Variants in TIAM2 observed in about 807,000 individuals in gnomAD.
TIAM2 encodes the protein rho guanine nucleotide exchange factor TIAM2.
In TIAM2, 80 loss-of-function variants were observed where a neutral mutation model predicts 152.9. The ratio of observed to expected loss-of-function variants is 0.52; its 90% CI spans 0.44 to 0.63. The LOEUF is 0.63. Ranked by LOEUF, TIAM2 falls within the 30% of genes least tolerant of loss-of-function variation. The pLI is 0.00. For missense variants in TIAM2, 1,965 were observed against 2,120.1 expected (o/e 0.93, Z 1.44); for synonymous variants, 804 against 838.0 (o/e 0.96, Z 0.70).
intron 15 of TIAM2, among the ~76,000 whole-genome samples, chr6:155,232,230 G>A (rs1782506666): frequency 1.3e-5 from 2 of 151,996 alleles, no homozygotes; most frequent in African/African-American, 4.8e-5. Flanking sequence ...ACGAAGTTCA[G>A]AGTGAGTTGA....
At position 155,214,939 on chromosome 6, in the gene TIAM2, C is replaced by G. The variant is rs1781816139; in HGVS notation, c.3168+3632C>G. ...TACAGGTGTGAGTCACTGTGCCTGG[C>G]CTGACTTAAAATTTTTTAGAAAATC... is the stretch of plus-strand genomic sequence containing the variant. On this transcript the variant is annotated intron_variant, in intron 15 of 26. Coordinates refer to ENST00000682666, the MANE Select transcript of TIAM2 (RefSeq NM_012454.4). The surrounding 1 kb of genome is among the most constrained non-coding windows in gnomAD (Gnocchi z 5.4). Among the ~76,000 whole-genome samples the G allele has an allele frequency of 6.6e-6, 1 of 152,106 alleles. No homozygotes were observed. Among genetic ancestry groups the G allele is most frequent in the South Asian group, 2.1e-4 (1 of 4,826 alleles).
rs143927648 is a variant in TIAM2 at position 155,108,861 on chromosome 6, G to A, written c.-118+18482G>A. Reference sequence around the variant, plus strand: ...AGTATTGAATAAAAAACCACAAAGCGTAAATATCTGATGGGGCACTTTACT... The same window carrying A: ...AGTATTGAATAAAAAACCACAAAGCATAAATATCTGATGGGGCACTTTACT... On this transcript the variant is annotated intron_variant, in intron 2 of 26. Coordinates refer to ENST00000682666, the MANE Select transcript of TIAM2 (RefSeq NM_012454.4). Among the ~76,000 whole-genome samples, 445 of 152,200 alleles carry A rather than the reference G, an allele frequency of 2.9e-3. 2 individuals are homozygous for A. The highest frequency in any genetic ancestry group is 0.01 in the African/African-American group (426 of 41,532).
intron 1 of TIAM2, among the ~76,000 whole-genome samples, chr6:155,065,341 C>T (rs576790595): frequency 1.3e-5 from 2 of 152,240 alleles, no homozygotes; most frequent in South Asian, 2.1e-4. Flanking sequence ...TGGAAGTCAT[C>T]GTGCATTTCC....
intron 15 of TIAM2, among the ~76,000 whole-genome samples, chr6:155,238,241 C>T (rs911488002): frequency 6.6e-6 from 1 of 152,230 alleles, no homozygotes; most frequent in African/African-American, 2.4e-5. Flanking sequence ...CAGTTCCCAA[C>T]AAGTTCCTCA....
intron 1 of TIAM2, among the ~76,000 whole-genome samples, chr6:155,067,921 C>T (rs774932203): frequency 3.3e-5 from 5 of 152,122 alleles, no homozygotes; most frequent in African/African-American, 7.2e-5. Flanking sequence ...GGAATACAGG[C>T]GTGCATGACC....
At chr6:155,029,450 A>ATATATTATAC (rs1776756492) in intron 1 of TIAM2, among the ~76,000 whole-genome samples, 1 of 43,926 alleles carries the variant, frequency 2.3e-5, no homozygotes, top group Admixed American at 4.3e-4. Context: ...ATACTATAGT[A>ATATATTATAC]TATATTATAT....
intron 2 of TIAM2, among the ~76,000 whole-genome samples, chr6:155,102,747 GT>G: frequency 6.7e-6 from 1 of 150,024 alleles, no homozygotes; most frequent in East Asian, 2.0e-4. Context: ...AAAACATGGT[GT>G]TTTTTATGGA....
rs935357454 is a variant in TIAM2 at position 155,252,788 on chromosome 6, G to A, written c.4120-160G>A. Reference sequence around the variant, plus strand: ...CTTCCCTAGCATGTGAGGTCTTTGAGAACTGGGTGCGTAGCTGATTGACTT... The same window carrying A: ...CTTCCCTAGCATGTGAGGTCTTTGAAAACTGGGTGCGTAGCTGATTGACTT... On this transcript the variant is annotated intron_variant, in intron 23 of 26. Coordinates refer to ENST00000682666, the MANE Select transcript of TIAM2 (RefSeq NM_012454.4). 1.1e-5 allele frequency: 7 copies of A among 611,064 alleles called. No individual in the cohort carries two copies. The African/African-American group carries it at 1.3e-4, about 11-fold the overall frequency. 37.9% of individuals were successfully genotyped at this position (611,064 alleles called of 1,614,324 possible).
chr6:155,178,165 TAAA>T (rs557378875), intron 10 of TIAM2, among the ~76,000 whole-genome samples: 10 of 83,254 alleles, frequency 1.2e-4, no homozygotes, highest in Non-Finnish European at 1.0e-4. Flanking sequence ...CGTCTCAAAT[TAAA>T]AAAAAAAAAA....
At chr6:155,140,325 T>G (rs1779662706) in intron 5 of TIAM2, among the ~76,000 whole-genome samples, 1 of 152,162 alleles carries the variant, frequency 6.6e-6, no homozygotes, top group African/African-American at 2.4e-5. Flanking sequence ...CATCTGGGAC[T>G]GTTTGTGAAT....
chr6:155,139,091 C>A (rs1205769135), intron 5 of TIAM2, among the ~76,000 whole-genome samples: 1 of 152,198 alleles, frequency 6.6e-6, no homozygotes, highest in Non-Finnish European at 1.5e-5. Context: ...AAAGCCAAAC[C>A]TCATCGTCAA....
Position 155,165,282 on chromosome 6 carries a change from C to A in TIAM2, c.2234C>A (p.Ser745Tyr), listed in dbSNP as rs1780395327. 1 of 1,613,700 alleles carries A rather than the reference C, an allele frequency of 6.2e-7. No homozygotes were observed. The highest frequency in any genetic ancestry group is 1.3e-5 in the African/African-American group (1 of 74,852). ...FHALVCSRDD[S>Y]ALRKRTLSLT... ...CATTAGGTATGTTCTAGAGATGACTCTGCTCTCCGGAAAAGGACACTGTCA... is the reference window on the plus strand; with the variant it reads ...CATTAGGTATGTTCTAGAGATGACTATGCTCTCCGGAAAAGGACACTGTCA... Residue 745 changes from serine to tyrosine, a missense_variant, in exon 9 of 27, where the codon TCT becomes TAT. Ser to Tyr is a moderately radical substitution (Grantham distance 144, BLOSUM62 -2). This residue lies in a region of TIAM2 where 1,025 missense variants were observed against 1,119.4 expected (regional missense o/e 0.92). Transcript: ENST00000682666.
At chr6:155,081,534 T>C (rs1778061986) in intron 1 of TIAM2, among the ~76,000 whole-genome samples, 1 of 152,108 alleles carries the variant, frequency 6.6e-6, no homozygotes, top group Admixed American at 6.5e-5. Flanking sequence ...AGCCCTGAGA[T>C]AAAGCTAGGA....
At chr6:155,222,319 G>C (rs973365570) in intron 15 of TIAM2, among the ~76,000 whole-genome samples, 5 of 1,184 alleles carry the variant, frequency 4.2e-3, no homozygotes, top group African/African-American at 0.023. Context: ...GAACACATGG[G>C]TTGGGTGGGC....
At chr6:155,232,783 G>C (rs950909559) in intron 15 of TIAM2, 2 of 152,180 alleles carry the variant, frequency 1.3e-5, no homozygotes, top group African/African-American at 2.4e-5. Context: ...ACCGAACAGC[G>C]TGGCAGTCTC....
At chr6:155,175,204 C>G (rs375343295) in intron 9 of TIAM2, among the ~76,000 whole-genome samples, 2 of 152,134 alleles carry the variant, frequency 1.3e-5, no homozygotes, top group Admixed American at 6.5e-5. Context: ...GTACTGAAAG[C>G]GACAGATCCA....
intron 1 of TIAM2, among the ~76,000 whole-genome samples, chr6:155,040,804 C>T (rs925297662): frequency 1.2e-4 from 18 of 152,280 alleles, no homozygotes; most frequent in Admixed American, 3.9e-4. Context: ...CAGGTGTGAG[C>T]CACCCTGCCT....
chr6:155,081,328 A>C (rs143576344), intron 1 of TIAM2, among the ~76,000 whole-genome samples: 1 of 151,838 alleles, frequency 6.6e-6, no homozygotes, highest in Non-Finnish European at 1.5e-5. Flanking sequence ...ACTTACAGTC[A>C]TTCAACAATT....
chr6:155,221,596 A>G (rs571046969), intron 15 of TIAM2, among the ~76,000 whole-genome samples: 1 of 152,308 alleles, frequency 6.6e-6, no homozygotes, highest in Admixed American at 6.5e-5. Context: ...AGCCAAGTTC[A>G]AGGAGTCATC....
Sources: allele counts gnomAD v4.1 joint callset (sites outside exome capture counted in the v4.1 genomes callset), GRCh38; gene constraint gnomAD v4.1.1; regional missense constraint gnomAD v4.1.1; non-coding constraint Gnocchi (gnomAD v3.1); transcripts MANE v1.5; gene names NCBI Gene and HGNC (gene_info 2026-07-23, HGNC 2026-07-21).